Variants in ERG observed in about 807,000 individuals in gnomAD.
The protein encoded by ERG is ETS transcription factor ERG, also known as transcriptional regulator ERG.
Under a neutral mutation model 55.3 loss-of-function variants are expected in ERG, and 9 were observed. The observed-to-expected ratio is 0.16, with a 90% confidence interval of 0.10 to 0.28. ERG has a LOEUF of 0.28. ERG is among the 10% of genes least tolerant of loss of function. The pLI is 1.00. For synonymous variants in ERG, 223 were observed against 237.3 expected (o/e 0.94, Z 0.55); for missense variants, 434 against 631.6 (o/e 0.69, Z 3.35).
chr21:38,602,432 G>A (rs368557252), intron 1 of ERG, among the ~76,000 whole-genome samples: 5 of 151,912 alleles, frequency 3.3e-5, no homozygotes, highest in South Asian at 2.1e-4. Flanking sequence ...GTGACAGAGC[G>A]GGACTCTGTC....
At chr21:38,414,930 G>C (rs113667035) in intron 3 of ERG, among the ~76,000 whole-genome samples, 114 of 152,022 alleles carry the variant, frequency 7.5e-4, no homozygotes, top group Admixed American at 1.6e-3. Flanking sequence ...AACATCATTA[G>C]CACTGTAGAA....
intron 2 of ERG, among the ~76,000 whole-genome samples, chr21:38,564,465 A>G (rs578061596): frequency 1.3e-5 from 2 of 152,188 alleles, no homozygotes; most frequent in Non-Finnish European, 2.9e-5. Flanking sequence ...AATATTACAT[A>G]GCTGAGGGGA....
At chr21:38,488,089 G>A (rs2059303344) in intron 1 of ERG, among the ~76,000 whole-genome samples, 2 of 152,168 alleles carry the variant, frequency 1.3e-5, no homozygotes, top group South Asian at 4.1e-4. Context: ...GGCTCTGTTA[G>A]ATACTGCCTT....
At position 38,593,212 on chromosome 21, in the gene ERG, G is replaced by A. The variant is rs540905141; in HGVS notation, c.-149-8267C>T. ...ACCAGGGTCTGCCTGGGGCCCCCCT[G>A]TAAAAACGAGAGATCTGAAGGAAAA... On this transcript the variant is annotated intron_variant, in intron 1 of 10. Transcript: ENST00000398910. 5.9e-5 allele frequency among the ~76,000 whole-genome samples: 9 copies of A among 152,320 alleles called. No homozygotes were observed. The East Asian group carries it at 1.5e-3, about 26-fold the overall frequency.
At chr21:38,411,700 A>T (rs542276524) in intron 3 of ERG, among the ~76,000 whole-genome samples, 11 of 152,326 alleles carry the variant, frequency 7.2e-5, no homozygotes, top group African/African-American at 2.6e-4. Context: ...TGCTTAAGAA[A>T]TGCATATTCT....
At chr21:38,455,699 G>T (rs866531456) in intron 1 of ERG, among the ~76,000 whole-genome samples, 13 of 151,888 alleles carry the variant, frequency 8.6e-5, no homozygotes, top group African/African-American at 3.1e-4. Context: ...CAAAAGATAG[G>T]GGCAGCAGAT....
In ERG at chr21:38,381,847, G is replaced by A; in HGVS notation, c.*1556C>T. On this transcript the variant is annotated 3_prime_UTR_variant, in exon 10 of 10. Coordinates refer to ENST00000288319, the MANE Select transcript of ERG (RefSeq NM_182918.4). ...CTAGAAATAAAAGACAGGAGGGGAG[G>A]CAAGAAGGACCTGGAGAGGCTGACG... 1 of 1,063,594 alleles carries A rather than the reference G, an allele frequency of 9.4e-7. No homozygotes were observed. The highest frequency in any genetic ancestry group is 1.1e-6 in the Non-Finnish European group (1 of 878,196). The allele number at this position is 1,063,594 out of a possible 1,614,324, so 65.9% of individuals were successfully genotyped here. A position where few individuals can be genotyped will look rare whatever the true frequency, so the allele number is the denominator to read the frequency against.
At chr21:38,640,023 G>A (rs1031388799) in intron 1 of ERG, among the ~76,000 whole-genome samples, 2 of 152,094 alleles carry the variant, frequency 1.3e-5, no homozygotes, top group East Asian at 1.9e-4. Flanking sequence ...CCTGAGAGAT[G>A]ACCAAATTCA....
chr21:38,385,200 C>A (rs572184382), intron 9 of ERG, among the ~76,000 whole-genome samples: 1 of 152,140 alleles, frequency 6.6e-6, no homozygotes. Flanking sequence ...TAGAAGACAG[C>A]AGCATGTAAA....
intron 1 of ERG, among the ~76,000 whole-genome samples, chr21:38,458,841 G>T (rs777052063): frequency 6.6e-6 from 1 of 152,118 alleles, no homozygotes; most frequent in African/African-American, 2.4e-5. Context: ...CAACCTTGCC[G>T]TCTGGTTCTG....
At chr21:38,523,814 C>T (rs556596645) in intron 2 of ERG, among the ~76,000 whole-genome samples, 2 of 152,316 alleles carry the variant, frequency 1.3e-5, no homozygotes, top group Non-Finnish European at 2.9e-5. Flanking sequence ...GATGGCCCAT[C>T]GGTACCCTGA....
chr21:38,576,419 C>T (rs1017639949), intron 1 of ERG, among the ~76,000 whole-genome samples: 7 of 152,102 alleles, frequency 4.6e-5, no homozygotes, highest in Non-Finnish European at 8.8e-5. Context: ...TATCTGACTC[C>T]AGAGCCCAAA....
chr21:38,517,248 C>T (rs562733229), intron 2 of ERG, among the ~76,000 whole-genome samples: 1 of 151,698 alleles, frequency 6.6e-6, no homozygotes, highest in African/African-American at 2.4e-5. Flanking sequence ...ATACACAAAA[C>T]TCAAACAACT....
chr21:38,480,084 C>G (rs2059223527), intron 1 of ERG, among the ~76,000 whole-genome samples: 1 of 152,120 alleles, frequency 6.6e-6, no homozygotes, highest in Admixed American at 6.6e-5. Context: ...AAGAGGGCTA[C>G]TCGGTGACTA....
At chr21:38,503,018 C>A (rs1260489332), upstream of ERG, among the ~76,000 whole-genome samples, 1 of 152,006 alleles carries the variant, frequency 6.6e-6, no homozygotes, top group Non-Finnish European at 1.5e-5. Flanking sequence ...AGCCACCACG[C>A]CCGGCCAATA....
intron 2 of ERG, among the ~76,000 whole-genome samples, chr21:38,544,070 G>C (rs2059772515): frequency 6.6e-6 from 1 of 152,180 alleles, no homozygotes; most frequent in Non-Finnish European, 1.5e-5. Flanking sequence ...TGTGGTCAGG[G>C]AAGGCTTTAC....
chr21:38,652,882 C>T (rs1568974787), intron 1 of ERG, among the ~76,000 whole-genome samples: 2 of 152,208 alleles, frequency 1.3e-5, no homozygotes, highest in Admixed American at 6.5e-5. Context: ...TGTGTGAACT[C>T]ATCTCCTTCG....
chr21:38,518,242 ATCTAT>A (rs1345348343), intron 2 of ERG, among the ~76,000 whole-genome samples: 2 of 80,704 alleles, frequency 2.5e-5, no homozygotes, highest in Admixed American at 2.8e-4. Context: ...GTGTGTATCT[ATCTAT>A]CTATCTATCT....
At position 38,424,185 on chromosome 21, in the gene ERG, GAGCTCTCTCTCTCT is replaced by G. The variant is rs1989702214; in HGVS notation, c.237-638_237-625del. Among the ~76,000 whole-genome samples, 26 of 58,578 alleles carry G rather than the reference GAGCTCTCTCTCTCT, an allele frequency of 4.4e-4. 1 individual carries two copies. Among genetic ancestry groups the G allele is most frequent in the Admixed American group, 9.0e-4 (6 of 6,630 alleles). The allele number at this position is 58,578 out of a possible 152,430, so 38.4% of individuals were successfully genotyped here. A position where few individuals can be genotyped will look rare whatever the true frequency, so the allele number is the denominator to read the frequency against. On this transcript the variant is annotated intron_variant, in intron 2 of 9. Coordinates refer to ENST00000288319, the MANE Select transcript of ERG (RefSeq NM_182918.4). ...TTAGAAAAGAAAGAGACCAGAGCTCGAGCTCTCTCTCTCTCTCTCTCTCTCTCTCTCTCTCTCTC... is the reference window on the plus strand; with the variant it reads ...TTAGAAAAGAAAGAGACCAGAGCTCGCTCTCTCTCTCTCTCTCTCTCTCTC...
Sources: allele counts gnomAD v4.1 joint callset (sites outside exome capture counted in the v4.1 genomes callset), GRCh38; gene constraint gnomAD v4.1.1; transcripts MANE v1.5; gene names NCBI Gene and HGNC (gene_info 2026-07-23, HGNC 2026-07-21).